The following PGS1 variants were observed in gnomAD, a reference collection of about 807,000 sequenced individuals.
PGS1 encodes phosphatidylglycerophosphate synthase 1, also known as CDP-diacylglycerol--glycerol-3-phosphate 3-phosphatidyltransferase, mitochondrial.
In PGS1, 44 loss-of-function variants were observed where a neutral mutation model predicts 58.3. The ratio of observed to expected loss-of-function variants is 0.75; its 90% CI spans 0.59 to 0.97. The LOEUF (loss-of-function observed/expected upper bound fraction) is 0.97, where lower values mean the gene tolerates loss of function less well. PGS1 is among the 50% of genes least tolerant of loss of function. The pLI is 0.00. For synonymous variants in PGS1, 330 were observed against 311.0 expected (o/e 1.06, Z -0.64); for missense variants, 684 against 731.1 (o/e 0.94, Z 0.74).
At chr17:78,378,843 C>T (rs1317704146) in intron 1 of PGS1, 35 bp downstream of exon 1, 8 of 1,369,582 alleles carry the variant, frequency 5.8e-6, no homozygotes, top group Non-Finnish European at 7.5e-6. Flanking sequence ...GTGCAGCCCT[C>T]GCGGCTGCAG....
At chr17:78,382,706 G>A (rs992144885) in intron 1 of PGS1, 2 of 133,366 alleles carry the variant, frequency 1.5e-5, no homozygotes, top group Admixed American at 8.5e-5. Flanking sequence ...GCAATGGCAC[G>A]ATCTCGGCTC....
chr17:78,398,469 A>T, intron 4 of PGS1, 118 bp downstream of exon 4: 1 of 745,848 alleles, frequency 1.3e-6, no homozygotes, highest in South Asian at 1.6e-5. Flanking sequence ...AGATCATCCA[A>T]GCTGGCCCAG....
rs1025214235 is a variant in PGS1, at chr17:78,378,670, C to T, written c.5C>T (p.Ala2Val). The T allele has an allele frequency of 7.8e-6, 12 of 1,533,210 alleles. No homozygotes were observed. Among genetic ancestry groups the T allele is most frequent in the African/African-American group, 4.3e-5 (3 of 70,128 alleles). The allele number at this position is 1,533,210 out of a possible 1,614,324, so 95.0% of individuals were successfully genotyped here. The change falls in exon 1 of 10, where the codon GCG (alanine) becomes GTG (valine). Residue 2 changes from alanine to valine, a missense_variant. Coordinates refer to ENST00000262764, the MANE Select transcript of PGS1 (RefSeq NM_024419.5). M[A>V]VAAAAAAGPV... ...AAGCGGAAGCGGCGAGTCTCCATGG[C>T]GGTGGCGGCGGCAGCTGCGGCGGGA...
At chr17:78,423,849 T>C (rs1158940834) in intron 9 of PGS1, 24 of 1,598,262 alleles carry the variant, frequency 1.5e-5, no homozygotes, top group Non-Finnish European at 2.0e-5. Context: ...GGTGCACAGG[T>C]GAAGGGCTGA....
chr17:78,410,767 T>C (rs918003818), intron 7 of PGS1, among the ~76,000 whole-genome samples: 5 of 152,096 alleles, frequency 3.3e-5, no homozygotes, highest in Admixed American at 1.3e-4. Context: ...CCACTGCGCC[T>C]GGCCGTCAGA....
At chr17:78,381,765 C>T (rs779808156) in intron 1 of PGS1, among the ~76,000 whole-genome samples, 18 of 152,166 alleles carry the variant, frequency 1.2e-4, no homozygotes, top group Non-Finnish European at 1.5e-4. Context: ...TCCTTTCAGG[C>T]ATAGAGACAG....
chr17:78,393,626 C>A (rs1282086856), intron 2 of PGS1, among the ~76,000 whole-genome samples: 8 of 152,116 alleles, frequency 5.3e-5, no homozygotes, highest in Admixed American at 4.6e-4. Context: ...CATGAAGAGG[C>A]CTTTCAAAGT....
intron 9 of PGS1, 90 bp from the exon 10 acceptor site, chr17:78,423,971 A>C (rs2086245854): frequency 6.2e-7 from 1 of 1,614,016 alleles, no homozygotes; most frequent in Non-Finnish European, 8.5e-7. Flanking sequence ...TTGGTCTTCA[A>C]GTTAAAGGTC....
chr17:78,398,474 G>T, intron 4 of PGS1, 123 bp downstream of exon 4: 1 of 703,130 alleles, frequency 1.4e-6, no homozygotes, highest in South Asian at 1.7e-5. Flanking sequence ...ATCCAAGCTG[G>T]CCCAGGGCTG....
chr17:78,398,159 A>T, intron 3 of PGS1, 93 bp from the exon 4 acceptor site: 1 of 880,026 alleles, frequency 1.1e-6, no homozygotes, highest in Non-Finnish European at 1.9e-6. Context: ...GGAGAAGATG[A>T]CGAGGGCACT....
intron 6 of PGS1, among the ~76,000 whole-genome samples, chr17:78,402,397 CATATATAT>C (rs10599132): frequency 0.016 from 1,760 of 108,318 alleles, 11 homozygotes; most frequent in Middle Eastern, 0.036. Flanking sequence ...AATTTCTATT[CATATATAT>C]ATATATATAT....
intron 6 of PGS1, 47 bp from the exon 7 acceptor site, chr17:78,403,521 G>A: frequency 7.6e-6 from 12 of 1,580,568 alleles, no homozygotes; most frequent in Non-Finnish European, 1.0e-5. Context: ...GCAGAGTCCA[G>A]ACCCTCCATT....
At chr17:78,397,394 G>GACGGGCCCATTGCCCAGAGTTAGTGCC (rs1407880680) in intron 3 of PGS1, among the ~76,000 whole-genome samples, 3 of 96,878 alleles carry the variant, frequency 3.1e-5, no homozygotes, top group Non-Finnish European at 5.0e-5. Context: ...GAGGTGCAGT[G>GACGGGCCCATTGCCCAGAGTTAGTGCC]GGTTCACACC....
intron 7 of PGS1, among the ~76,000 whole-genome samples, chr17:78,405,003 T>C (rs974584470): frequency 2.9e-5 from 4 of 137,448 alleles, no homozygotes; most frequent in African/African-American, 5.2e-5. Context: ...TGTTGGCAAC[T>C]TTTTTTTTTT....
In PGS1 at chr17:78,381,379, G is replaced by A. The variant is rs559152628; in HGVS notation, c.143+2571G>A. 1.3e-4 allele frequency among the ~76,000 whole-genome samples: 20 copies of A among 152,306 alleles called. No individual in the cohort carries two copies. In the South Asian group the frequency reaches 4.1e-3, roughly 32 times the overall value. On this transcript the variant is annotated intron_variant, in intron 1 of 9. Coordinates refer to ENST00000262764, the MANE Select transcript of PGS1 (RefSeq NM_024419.5). ...TGTAATCCTCGGAAATAATGCCTAT[G>A]GTAGGACTGAGGATAAATGCTTTGA...
intron 7 of PGS1, among the ~76,000 whole-genome samples, chr17:78,405,965 G>T (rs544758357): frequency 6.6e-6 from 1 of 152,186 alleles, no homozygotes; most frequent in Non-Finnish European, 1.5e-5. Flanking sequence ...CAGGTGGTTT[G>T]TTTTTGTTTT....
At chr17:78,388,664 C>T (rs955128447) in intron 1 of PGS1, among the ~76,000 whole-genome samples, 1 of 151,978 alleles carries the variant, frequency 6.6e-6, no homozygotes, top group Non-Finnish European at 1.5e-5. Flanking sequence ...CTGCTTACGT[C>T]CCTTCACACT....
chr17:78,396,274 T>C, intron 2 of PGS1, 34 bp from the exon 3 acceptor site: 1 of 1,526,366 alleles, frequency 6.6e-7, no homozygotes, highest in Non-Finnish European at 9.1e-7. Context: ...ATGAAAATGA[T>C]GAATTTGAAT....
intron 1 of PGS1, among the ~76,000 whole-genome samples, chr17:78,390,062 T>TCCCCCCCCCCCCCCC (rs1555628316): frequency 3.9e-5 from 5 of 128,594 alleles, no homozygotes; most frequent in Non-Finnish European, 6.6e-5. Flanking sequence ...TGTTGCCTGT[T>TCCCCCCCCCCCCCCC]CCCCCGCCCC....
Sources: gnomAD v4.1 joint callset for allele counts (sites outside exome capture counted in the v4.1 genomes callset) on GRCh38, gnomAD v4.1.1 for gene constraint, MANE v1.5 for transcripts, NCBI Gene and HGNC (gene_info 2026-07-23, HGNC 2026-07-21) for gene names.